PDE1B: variants seen among roughly 807,000 people sequenced by gnomAD.
The protein encoded by PDE1B is phosphodiesterase 1B.
A neutral mutation model predicts 66.7 loss-of-function variants in PDE1B; 13 were observed. The observed-to-expected ratio is 0.19, with a 90% CI of 0.13 to 0.31. PDE1B has a LOEUF of 0.31. PDE1B is among the 10% of genes least tolerant of loss of function. PDE1B has a pLI of 1.00. For missense variants in PDE1B, 485 were observed against 682.3 expected, an observed-to-expected ratio of 0.71 and a Z score of 3.22; for synonymous variants, 230 against 253.9, an observed-to-expected ratio of 0.91 and a Z score of 0.90.
rs66530836 is a variant in PDE1B at position 54,567,512 on chromosome 12, T to A, written c.227+425T>A. ...GAGCAAGACCCTGTCTCAAAATAAA[T>A]AAATAAATAAATAAATAAAAAAAAT... On this transcript the variant is annotated intron_variant, in intron 3 of 15. Transcript: ENST00000243052. Among the ~76,000 whole-genome samples the A allele has an allele frequency of 0.034, 186 of 5,450 alleles. No individual in the cohort carries two copies. The South Asian group carries it at 0.42, about 12-fold the overall frequency. The allele number at this position is 5,450 out of a possible 152,430, so 3.6% of individuals were successfully genotyped here.
rs774810310 is a variant in PDE1B at position 54,573,870 on chromosome 12, A to AGAGAGAGAGAGTGTGTGTGT, written c.1064+162_1064+163insAGAGAGAGAGTGTGTGTGTG. The AGAGAGAGAGAGTGTGTGTGT allele has an allele frequency of 6.0e-6, 3 of 502,108 alleles. No homozygotes were observed. The highest frequency in any genetic ancestry group is 4.4e-5 in the African/African-American group (2 of 44,970). 31.1% of individuals were successfully genotyped at this position (502,108 alleles called of 1,614,324 possible). ...GCATCTCTATGTGAGAGAGAGAGAG[A>AGAGAGAGAGAGTGTGTGTGT]GTGTGTGTGTGTGTGTGTGTGTGTG... On this transcript the variant is annotated intron_variant, in intron 10 of 15. Coordinates refer to ENST00000243052, the MANE Select transcript of PDE1B (RefSeq NM_000924.4). The surrounding 1 kb of genome is among the most constrained non-coding windows in gnomAD (Gnocchi z 5.2).
chr12:54,571,242 T>TTG (rs1957610953), intron 6 of PDE1B: 1 of 152,286 alleles, frequency 6.6e-6, no homozygotes, highest in Non-Finnish European at 1.5e-5. Context: ...TCCTTCACCC[T>TTG]TGACTCCTCC....
In PDE1B at chr12:54,575,405, T is replaced by C; in HGVS notation, c.1186-146T>C. On this transcript the variant is annotated intron_variant, in intron 11 of 15. Coordinates refer to ENST00000243052, the MANE Select transcript of PDE1B (RefSeq NM_000924.4). This position sits in a 1 kb window ranked among gnomAD's most constrained non-coding sequence, Gnocchi z 4.0. ...AATAGTTGCATTTCATTTGCATATA[T>C]TTCATTTGCATATTACTAATTTCCA... 1.3e-6 allele frequency: 1 copy of C among 765,902 alleles called. No homozygotes were observed. The allele number at this position is 765,902 out of a possible 1,614,324, so 47.4% of individuals were successfully genotyped here. A position where few individuals can be genotyped will look rare whatever the true frequency, so the allele number is the denominator to read the frequency against.
chr12:54,577,171 CT>C, intron 14 of PDE1B, 53 bp from the exon 15 acceptor site: 1 of 1,441,976 alleles, frequency 6.9e-7, no homozygotes, highest in Admixed American at 1.7e-5. Context: ...TCCTTGGGTT[CT>C]GGGGAAGAAT....
rs757383386 is a variant in PDE1B at position 54,576,048 on chromosome 12, AAG to A, written c.1327_1328del (p.Ser443CysfsTer7). The A allele has an allele frequency of 6.2e-7, 1 of 1,614,080 alleles. No homozygotes were observed. Among genetic ancestry groups the A allele is most frequent in the Admixed American group, 1.7e-5 (1 of 60,032 alleles). ...CTCTGTGCTGACTGACGTGGCAGAGAAGAGTGTTCAGCCCCTGGCGGATGAGG... is the reference window on the plus strand; with the variant it reads ...CTCTGTGCTGACTGACGTGGCAGAGAAGTGTTCAGCCCCTGGCGGATGAGG... ...TFSVLTDVAE[K>X]SVQPLADEDS... On this transcript the variant is annotated frameshift_variant, in exon 13 of 16. Transcript: ENST00000243052. LOFTEE classifies it high-confidence loss of function.
chr12:54,577,520 C>A, intron 15 of PDE1B, 175 bp downstream of exon 15: 1 of 1,573,718 alleles, frequency 6.4e-7, no homozygotes, highest in African/African-American at 1.3e-5. Context: ...GAAATCCTCC[C>A]ACGCTCTTCT....
intron 2 of PDE1B, among the ~76,000 whole-genome samples, chr12:54,550,612 G>GC (rs1051783667): frequency 6.6e-6 from 1 of 151,856 alleles, no homozygotes; most frequent in Admixed American, 6.6e-5. Flanking sequence ...GAATCTGGAG[G>GC]GGGGGTTGGA....
At chr12:54,559,254 A>AT (rs1957376573) in intron 2 of PDE1B, among the ~76,000 whole-genome samples, 1 of 6,160 alleles carries the variant, frequency 1.6e-4, no homozygotes, top group Non-Finnish European at 3.3e-4. Flanking sequence ...CTTTACCCCC[A>AT]CCCACCCCCA....
At chr12:54,561,687 T>C in intron 2 of PDE1B, 1 of 1,346,300 alleles carries the variant, frequency 7.4e-7, no homozygotes, top group Non-Finnish European at 1.0e-6. Context: ...AAGGACAGGT[T>C]GCTCATGGAT....
Position 54,572,463 on chromosome 12 carries a change from G to A in PDE1B, c.595-138G>A, listed in dbSNP as rs555406039. The stretch of plus-strand genomic sequence containing the variant: ...AGCAGGTGGTAGAGGCAGGATATGA[G>A]CCAGGTTCACCTAACTAGGTTCTGT... On this transcript the variant is annotated intron_variant, in intron 6 of 15. Coordinates refer to ENST00000243052, the MANE Select transcript of PDE1B (RefSeq NM_000924.4). 44 of 797,802 alleles carry A rather than the reference G, an allele frequency of 5.5e-5. 1 individual carries two copies. The South Asian group carries it at 6.9e-4, about 12-fold the overall frequency. The allele number at this position is 797,802 out of a possible 1,614,324, so 49.4% of individuals were successfully genotyped here. A position where few individuals can be genotyped will look rare whatever the true frequency, so the allele number is the denominator to read the frequency against.
Position 54,575,585 on chromosome 12 carries a change from C to G in PDE1B, c.1220C>G (p.Ser407Cys). The G allele has an allele frequency of 6.2e-7, 1 of 1,613,570 alleles. No individual in the cohort carries two copies. The highest frequency in any genetic ancestry group is 8.5e-7 in the Non-Finnish European group (1 of 1,179,696). ...DKEAELGLPF[S>C]PLCDRTSTLV... ...GAGGCAGAGTTGGGCCTGCCCTTTT[C>G]TCCACTCTGTGACCGCACTTCCACT... The change falls in exon 12 of 16, where the codon TCT becomes TGT. Residue 407 changes from serine (S) to cysteine (C), a missense_variant. Around this residue, in one of 4 missense-constraint regions of PDE1B, gnomAD observed 282 missense variants for 453.4 expected, o/e 0.62. Coordinates refer to ENST00000243052, the MANE Select transcript of PDE1B (RefSeq NM_000924.4). The surrounding 1 kb of genome is among the most constrained non-coding windows in gnomAD (Gnocchi z 4.0).
At position 54,576,064 on chromosome 12, in the gene PDE1B, T is replaced by G. The variant is rs746721172; in HGVS notation, c.1340T>G (p.Leu447Arg). ...TDVAEKSVQPLADEDSKSKNQ... is the reference protein window; with the variant it reads ...TDVAEKSVQPRADEDSKSKNQ... ...GTGGCAGAGAAGAGTGTTCAGCCCC[T>G]GGCGGATGAGGACTCCAAGTCTAAA... The change falls in exon 13 of 16, where the codon CTG becomes CGG. Residue 447 changes from leucine to arginine, a missense_variant. Around this residue, in one of 4 missense-constraint regions of PDE1B, gnomAD observed 126 missense variants for 133.8 expected, o/e 0.94. Transcript: ENST00000243052. The G allele has an allele frequency of 1.2e-6, 2 of 1,613,474 alleles. No individual in the cohort carries two copies. Among genetic ancestry groups the G allele is most frequent in the African/African-American group, 2.7e-5 (2 of 74,938 alleles).
Position 54,575,541 on chromosome 12 carries a change from C to T in PDE1B, c.1186-10C>T. Reference sequence around the variant, plus strand: ...CCTCTCCAGCTTTCCTACCCTGTTCCCTCCTCTAGGGTGACAAGGAGGCAG... The same window carrying T: ...CCTCTCCAGCTTTCCTACCCTGTTCTCTCCTCTAGGGTGACAAGGAGGCAG... On this transcript the variant is annotated splice_polypyrimidine_tract_variant and intron_variant, in intron 11 of 15. Transcript: ENST00000243052. The surrounding 1 kb of genome is among the most constrained non-coding windows in gnomAD (Gnocchi z 4.0). 6.2e-7 allele frequency: 1 copy of T among 1,603,874 alleles called. No individual in the cohort carries two copies. The highest frequency in any genetic ancestry group is 2.2e-5 in the East Asian group (1 of 44,822).
At chr12:54,562,556 A>ATT (rs1957436900) in intron 2 of PDE1B, among the ~76,000 whole-genome samples, 3 of 152,166 alleles carry the variant, frequency 2.0e-5, no homozygotes, top group Admixed American at 6.5e-5. Context: ...TGATGGCTGA[A>ATT]ACAGAGGGTT....
intron 2 of PDE1B, among the ~76,000 whole-genome samples, chr12:54,564,367 C>T (rs1209627483): frequency 3.3e-5 from 5 of 150,736 alleles, no homozygotes; most frequent in East Asian, 1.9e-4. Flanking sequence ...TGCAGTGGCT[C>T]GTGTCTGTAA....
rs563747740 is a variant in PDE1B, at chr12:54,576,711, A to G, written c.1507+10A>G. 111 of 1,597,174 alleles carry G rather than the reference A, an allele frequency of 6.9e-5. No homozygotes were observed. The highest frequency in any genetic ancestry group is 1.6e-4 in the Middle Eastern group (1 of 6,074). On this transcript the variant is annotated intron_variant, in intron 14 of 15. Transcript: ENST00000243052. ...GAACGGGCAGCAAGTGGTGGGTACC[A>G]TGGCAGAGGGCAGGGGTGAGAACTT...
rs551146028 is a variant in PDE1B at position 54,549,791 on chromosome 12, G to T, written c.-14+19G>T. 1.1e-4 allele frequency: 121 copies of T among 1,089,838 alleles called. No individual in the cohort carries two copies. The African/African-American group carries it at 1.3e-3, about 12-fold the overall frequency. 67.5% of individuals were successfully genotyped at this position (1,089,838 alleles called of 1,614,324 possible). ...GCCGCAGGTGGGAAGGGCCTGGGAT[G>T]GGGGGTGAGGGTCTCTCGGCTGGGG... On this transcript the variant is annotated intron_variant, in intron 1 of 15. Coordinates refer to ENST00000243052, the MANE Select transcript of PDE1B (RefSeq NM_000924.4).
At chr12:54,556,449 C>T (rs193199040) in intron 2 of PDE1B, among the ~76,000 whole-genome samples, 73 of 152,236 alleles carry the variant, frequency 4.8e-4, no homozygotes, top group Admixed American at 3.5e-3. Flanking sequence ...CTGCCCTTGC[C>T]CCTGTGCCCT....
chr12:54,568,364 A>AG (rs1320169612), intron 3 of PDE1B, among the ~76,000 whole-genome samples: 1 of 151,560 alleles, frequency 6.6e-6, no homozygotes, highest in Non-Finnish European at 1.5e-5. Context: ...TGGGAGGCTG[A>AG]GGGGGGAGGA....
Sources: allele counts gnomAD v4.1 joint callset (sites outside exome capture counted in the v4.1 genomes callset), GRCh38; gene constraint gnomAD v4.1.1; regional missense constraint gnomAD v4.1.1; non-coding constraint Gnocchi (gnomAD v3.1); transcripts MANE v1.5; gene names NCBI Gene and HGNC (gene_info 2026-07-23, HGNC 2026-07-21).